Variants in USP34 observed in about 807,000 individuals in gnomAD.
The protein encoded by USP34 is ubiquitin specific peptidase 34, also known as ubiquitin carboxyl-terminal hydrolase 34.
USP34 carries 70 observed loss-of-function variants against 460.3 expected under a neutral mutation model. That is an observed-to-expected ratio of 0.15 (90% CI 0.13 to 0.19). USP34 has a LOEUF of 0.19. Among genes scored for constraint, USP34 ranks in the 10% least tolerant of loss-of-function variants. USP34 has a pLI of 1.00. For synonymous variants in USP34, 1,647 were observed against 1,405.3 expected, an observed-to-expected ratio of 1.17 and a Z score of -3.85; for missense variants, 3,985 against 4,236.2, an observed-to-expected ratio of 0.94 and a Z score of 1.65.
At chr2:61,353,438 C>T (rs1251799841) in intron 10 of USP34, among the ~76,000 whole-genome samples, 1 of 149,496 alleles carries the variant, frequency 6.7e-6, no homozygotes, top group African/African-American at 2.5e-5. Context: ...GTCACCCAGG[C>T]TGGAGTGCAG....
chr2:61,369,463 C>A (rs928257406), intron 10 of USP34, among the ~76,000 whole-genome samples: 3 of 151,634 alleles, frequency 2.0e-5, no homozygotes, highest in Admixed American at 6.6e-5. Context: ...ACCAACATAG[C>A]GAAACCTTAT....
chr2:61,201,505 G>A (rs923694718), intron 75 of USP34, among the ~76,000 whole-genome samples: 8 of 152,088 alleles, frequency 5.3e-5, no homozygotes, highest in South Asian at 2.1e-4. Context: ...GAGCCACCAC[G>A]TCCGGCCCTT....
intron 33 of USP34, among the ~76,000 whole-genome samples, chr2:61,289,515 G>A (rs1689785339): frequency 6.6e-6 from 1 of 152,028 alleles, no homozygotes; most frequent in African/African-American, 2.4e-5. Flanking sequence ...TATCACTTAT[G>A]TACAAGATGA....
At chr2:61,265,308 A>G in intron 43 of USP34, 89 bp downstream of exon 43, 1 of 1,402,708 alleles carries the variant, frequency 7.1e-7, no homozygotes, top group Non-Finnish European at 9.7e-7. Context: ...TTATTTTTTC[A>G]AACATTTACT....
intron 69 of USP34, among the ~76,000 whole-genome samples, chr2:61,209,667 A>T (rs947345557): frequency 6.6e-6 from 1 of 152,268 alleles, no homozygotes; most frequent in Non-Finnish European, 1.5e-5. Flanking sequence ...TGACTATGTT[A>T]CTGGTTTATG....
chr2:61,419,711 C>A (rs1694302216), intron 2 of USP34, among the ~76,000 whole-genome samples: 1 of 152,072 alleles, frequency 6.6e-6, no homozygotes, highest in African/African-American at 2.4e-5. Context: ...GCTGTAGTTA[C>A]AATAATTAAA....
intron 27 of USP34, among the ~76,000 whole-genome samples, chr2:61,306,481 T>G (rs11677986): frequency 0.36 from 55,307 of 152,010 alleles, 10,059 homozygotes; most frequent in African/African-American, 0.38. Context: ...AGCCTTGTAG[T>G]ATAGTTTGAA....
chr2:61,340,653 T>C (rs1052023977), intron 16 of USP34, among the ~76,000 whole-genome samples: 1 of 152,196 alleles, frequency 6.6e-6, no homozygotes, highest in Non-Finnish European at 1.5e-5. Flanking sequence ...TTGAGGTTTT[T>C]AATTTCCATT....
intron 29 of USP34, among the ~76,000 whole-genome samples, chr2:61,298,388 A>AC (rs1553366026): frequency 1.2e-4 from 17 of 145,886 alleles, no homozygotes; most frequent in African/African-American, 3.6e-4. Flanking sequence ...AAAAAAAAAA[A>AC]CTAGCTGGGC....
At chr2:61,220,559 T>C in intron 66 of USP34, 102 bp from the exon 67 acceptor site, 1 of 1,125,164 alleles carries the variant, frequency 8.9e-7, no homozygotes, top group Non-Finnish European at 1.2e-6. Flanking sequence ...TAAAGTACTT[T>C]TTTGACAATT....
Position 61,420,751 on chromosome 2 carries a change from T to C in USP34, c.126A>G (p.Thr42=), listed in dbSNP as rs1230595787. The change falls in exon 2 of 80, where the codon ACA becomes ACG. Residue 42 remains threonine, a synonymous_variant. Coordinates refer to ENST00000398571, the MANE Select transcript of USP34 (RefSeq NM_014709.4). ...AAATACCTAAAGATGCATACCTCTG[T>C]GTCCAGGAATTGATATAAGTAAATA... ...LKIFTYINSW[T]QRQCLCCFKE... 5 of 1,606,094 alleles carry C rather than the reference T, an allele frequency of 3.1e-6. No homozygotes were observed. The highest frequency in any genetic ancestry group is 4.2e-6 in the Non-Finnish European group (5 of 1,176,598).
intron 67 of USP34, among the ~76,000 whole-genome samples, chr2:61,218,621 C>T (rs1687471268): frequency 6.6e-6 from 1 of 151,712 alleles, no homozygotes; most frequent in Non-Finnish European, 1.5e-5. Flanking sequence ...TACAGCTAGT[C>T]ATTATGTCTT....
At chr2:61,272,699 A>G (rs941905305) in intron 41 of USP34, among the ~76,000 whole-genome samples, 3 of 152,330 alleles carry the variant, frequency 2.0e-5, no homozygotes, top group African/African-American at 4.8e-5. Context: ...GAAAGCTTCT[A>G]AAGTTTTCCC....
chr2:61,440,984 T>C (rs970079828), intron 1 of USP34, among the ~76,000 whole-genome samples: 5 of 151,538 alleles, frequency 3.3e-5, no homozygotes, highest in African/African-American at 1.2e-4. Context: ...AAAAATTAGC[T>C]GGGCGTGATG....
intron 8 of USP34, among the ~76,000 whole-genome samples, chr2:61,375,768 CAAAAAAAAAA>C (rs56304309): frequency 0.024 from 1,941 of 80,892 alleles, 77 homozygotes; most frequent in African/African-American, 0.077. Context: ...GACTCTGTCT[CAAAAAAAAAA>C]AAAAAAAAAA....
intron 6 of USP34, among the ~76,000 whole-genome samples, chr2:61,381,423 C>T (rs770220516): frequency 3.3e-5 from 5 of 152,038 alleles, no homozygotes; most frequent in South Asian, 2.1e-4. Context: ...ACTGCAGCCT[C>T]GACCTCCTGG....
At chr2:61,221,137 C>T (rs1687571042) in intron 66 of USP34, among the ~76,000 whole-genome samples, 1 of 152,082 alleles carries the variant, frequency 6.6e-6, no homozygotes, top group African/African-American at 2.4e-5. Context: ...AATACTCAAA[C>T]AAGGAGAAAT....
intron 1 of USP34, among the ~76,000 whole-genome samples, chr2:61,455,356 A>G (rs1397387591): frequency 6.6e-6 from 1 of 151,360 alleles, no homozygotes; most frequent in Admixed American, 6.6e-5. Context: ...TTTTTGTATT[A>G]TAATAGAGAC....
At chr2:61,190,727 A>G in intron 76 of USP34, 69 bp from the exon 77 acceptor site, 1 of 1,536,048 alleles carries the variant, frequency 6.5e-7, no homozygotes, top group Non-Finnish European at 8.7e-7. Flanking sequence ...GAAAAAACTT[A>G]CACAGAAAAA....
Sources: allele counts gnomAD v4.1 joint callset (sites outside exome capture counted in the v4.1 genomes callset), GRCh38; gene constraint gnomAD v4.1.1; transcripts MANE v1.5; gene names NCBI Gene and HGNC (gene_info 2026-07-23, HGNC 2026-07-21).